Variants in FAM199X observed in about 807,000 individuals in gnomAD.
The protein encoded by FAM199X is family with sequence similarity 199, X-linked.
Under a neutral mutation model 22.9 loss-of-function variants are expected in FAM199X, and 4 were observed. That is an observed-to-expected ratio of 0.17 (90% confidence interval 0.09 to 0.40). The LOEUF is 0.40. Among genes scored for constraint, FAM199X ranks in the 10% least tolerant of loss-of-function variants. The pLI, the probability that FAM199X is intolerant of heterozygous loss-of-function variation, is 1.00. For synonymous variants in FAM199X, 101 were observed against 112.3 expected (o/e 0.90, Z 0.64); for missense variants, 183 against 306.8 (o/e 0.60, Z 3.01).
chrX:104,163,501 C>T (rs1921086130), upstream of FAM199X, among the ~76,000 whole-genome samples: 1 of 111,430 alleles, frequency 9.0e-6, no homozygotes, highest in Non-Finnish European at 1.9e-5. Context: ...CAAACCAAAT[C>T]GAAGTGAGAC....
At chrX:104,186,272 A>T (rs369035185) in intron 3 of FAM199X, 57 bp downstream of exon 3, 1 of 1,146,144 alleles carries the variant, frequency 8.7e-7, no homozygotes, top group East Asian at 3.0e-5. Flanking sequence ...GGTAAAGCTC[A>T]GTTTATTGCC....
Position 104,193,073 on chromosome X carries a change from T to C in FAM199X, c.*3295T>C, listed in dbSNP as rs1556380816. 2.7e-5 allele frequency: 3 copies of C among 111,704 alleles called. No homozygotes were observed. Among genetic ancestry groups the C allele is most frequent in the African/African-American group, 9.7e-5 (3 of 30,891 alleles). The allele number at this position is 111,704 out of a possible 1,213,427, so 9.2% of individuals were successfully genotyped here. ...TTGTGGCTTACTCTGTATAGCCTCA[T>C]GTGCCTTAAAGGTGGTGAACTCTAG... On this transcript the variant is annotated 3_prime_UTR_variant, in exon 6 of 6. Transcript: ENST00000493442.
upstream of FAM199X, among the ~76,000 whole-genome samples, chrX:104,165,536 CTT>C (rs782452586): frequency 9.8e-5 from 11 of 111,993 alleles, no homozygotes; most frequent in Non-Finnish European, 1.5e-4. Flanking sequence ...GAATTATGCT[CTT>C]ATATGAAAAT....
At chrX:104,176,812 C>T (rs986684597) in intron 2 of FAM199X, among the ~76,000 whole-genome samples, 1 of 111,359 alleles carries the variant, frequency 9.0e-6, no homozygotes, top group African/African-American at 3.3e-5. Context: ...TTACTTAATC[C>T]ATTTCCTAAT....
upstream of FAM199X, among the ~76,000 whole-genome samples, chrX:104,163,976 CT>C (rs1201517253): frequency 9.1e-6 from 1 of 110,404 alleles, no homozygotes; most frequent in African/African-American, 3.3e-5. Context: ...CCTGGGACCT[CT>C]TTTTTTTTAA....
intron 5 of FAM199X, among the ~76,000 whole-genome samples, chrX:104,189,385 A>G (rs1448938225): frequency 1.8e-5 from 2 of 111,539 alleles, no homozygotes; most frequent in African/African-American, 3.3e-5. Flanking sequence ...GATCGTCTCA[A>G]CTCTTCCTAA....
At chrX:104,159,242 A>T in the FAM199X span, among the ~76,000 whole-genome samples, 6 of 111,953 alleles carry the variant, frequency 5.4e-5, no homozygotes, top group Admixed American at 2.8e-4. Flanking sequence ...AATGGTGGAG[A>T]TTGGTGAGTG....
At chrX:104,171,132 G>A (rs1921341581) in intron 1 of FAM199X, among the ~76,000 whole-genome samples, 1 of 111,663 alleles carries the variant, frequency 9.0e-6, no homozygotes, top group Non-Finnish European at 1.9e-5. Flanking sequence ...GGGTGCAGAG[G>A]AATGTGTACA....
chrX:104,168,068 A>G (rs1921259024), intron 1 of FAM199X, among the ~76,000 whole-genome samples: 1 of 112,168 alleles, frequency 8.9e-6, no homozygotes, highest in Admixed American at 9.4e-5. Flanking sequence ...CCCTTAAATC[A>G]GTCTGTAGAT....
In FAM199X at chrX:104,175,382, G is replaced by A. The variant is rs146899402; in HGVS notation, c.198-241G>A. On this transcript the variant is annotated intron_variant, in intron 1 of 5. Transcript: ENST00000493442. ...CCAGCTTCAACATTTATTCATATAC[G>A]GCATCATGCTTCATCTGTACCTCTA... Among the ~76,000 whole-genome samples, 2,028 of 110,883 alleles carry A rather than the reference G, an allele frequency of 0.018. 33 individuals are homozygous for A. Among genetic ancestry groups the A allele is most frequent in the Non-Finnish European group, 0.026 (1,387 of 53,025 alleles).
chrX:104,166,733 C>T lies in FAM199X; in HGVS notation c.-53C>T, dbSNP rs1921202639. 2.7e-6 allele frequency: 3 copies of T among 1,115,854 alleles called. No individual in the cohort carries two copies. The highest frequency in any genetic ancestry group is 3.6e-5 in the African/African-American group (2 of 55,208). 92.0% of individuals were successfully genotyped at this position (1,115,854 alleles called of 1,213,427 possible). A position where few individuals can be genotyped will look rare whatever the true frequency, so the allele number is the denominator to read the frequency against. ...AGGTTAGAGTGGGGGCAGGGGCGGG[C>T]GCGGGAGCAGCCCAGGGCCAGAGAG... On this transcript the variant is annotated 5_prime_UTR_variant, in exon 1 of 6. Coordinates refer to ENST00000493442, the MANE Select transcript of FAM199X (RefSeq NM_207318.4).
At chrX:104,179,907 T>A (rs1921601421) in intron 2 of FAM199X, among the ~76,000 whole-genome samples, 1 of 110,751 alleles carries the variant, frequency 9.0e-6, no homozygotes, top group Non-Finnish European at 1.9e-5. Context: ...CTCTTCTGGT[T>A]AAAATTTTTT....
chrX:104,182,505 A>G (rs138727871), intron 2 of FAM199X, among the ~76,000 whole-genome samples: 9 of 111,182 alleles, frequency 8.1e-5, no homozygotes, highest in African/African-American at 2.6e-4. Flanking sequence ...TGCATATCAT[A>G]TGACGGTTTC....
At chrX:104,180,553 A>T (rs1458281649) in intron 2 of FAM199X, among the ~76,000 whole-genome samples, 1 of 111,089 alleles carries the variant, frequency 9.0e-6, no homozygotes, top group Non-Finnish European at 1.9e-5. Context: ...GTTAATGTAC[A>T]TGAGTGACTA....
In FAM199X at chrX:104,193,690, T is replaced by C. The variant is rs1556380969; in HGVS notation, c.*3912T>C. ...TGAGGGCACTGACTCATTCAGCATGTCTGAACTAGAAGTAAATTTAATTCT... is the reference window on the plus strand; with the variant it reads ...TGAGGGCACTGACTCATTCAGCATGCCTGAACTAGAAGTAAATTTAATTCT... On this transcript the variant is annotated 3_prime_UTR_variant, in exon 6 of 6. Transcript: ENST00000493442. 8.9e-6 allele frequency: 1 copy of C among 112,117 alleles called. No homozygotes were observed. The highest frequency in any genetic ancestry group is 1.9e-5 in the Non-Finnish European group (1 of 53,026). 9.2% of individuals were successfully genotyped at this position (112,117 alleles called of 1,213,427 possible).
intron 4 of FAM199X, among the ~76,000 whole-genome samples, chrX:104,187,184 A>C (rs782053037): frequency 1.8e-4 from 20 of 109,201 alleles, no homozygotes; most frequent in Admixed American, 1.7e-3. Context: ...CCCGGGTTCA[A>C]GTGATTCTCC....
chrX:104,181,847 A>G (rs1327342386), intron 2 of FAM199X, among the ~76,000 whole-genome samples: 1 of 111,325 alleles, frequency 9.0e-6, no homozygotes, highest in Non-Finnish European at 1.9e-5. Flanking sequence ...ATGAAAATTG[A>G]GGTCTTTAAG....
At chrX:104,175,295 A>G (rs1921460052) in intron 1 of FAM199X, among the ~76,000 whole-genome samples, 2 of 112,093 alleles carry the variant, frequency 1.8e-5, no homozygotes, top group South Asian at 3.7e-4. Flanking sequence ...GTGTACTACA[A>G]AAATTTTCAG....
chrX:104,167,078 TC>T, intron 1 of FAM199X, 96 bp downstream of exon 1: 3 of 723,130 alleles, frequency 4.1e-6, no homozygotes, highest in African/African-American at 3.6e-5. Flanking sequence ...AGTCGCCCCC[TC>T]CCCCACCTGC....
Sources: allele counts gnomAD v4.1 joint callset (sites outside exome capture counted in the v4.1 genomes callset), GRCh38; gene constraint gnomAD v4.1.1; transcripts MANE v1.5; gene names NCBI Gene and HGNC (gene_info 2026-07-23, HGNC 2026-07-21).